Variants in SLC7A6 observed in about 807,000 individuals in gnomAD.
SLC7A6 encodes the protein solute carrier family 7 member 6.
Under a neutral mutation model 46.6 loss-of-function variants are expected in SLC7A6, and 29 were observed. The ratio of observed to expected loss-of-function variants is 0.62; its 90% CI spans 0.46 to 0.85. SLC7A6 has a LOEUF of 0.85. SLC7A6 is among the 40% of genes least tolerant of loss of function. The pLI is 0.00. For synonymous variants in SLC7A6, 276 were observed against 257.3 expected, an observed-to-expected ratio of 1.07 and a Z score of -0.70; for missense variants, 527 against 647.6, an observed-to-expected ratio of 0.81 and a Z score of 2.02.
At chr16:68,278,306 ATT>A (rs113430953) in intron 3 of SLC7A6, among the ~76,000 whole-genome samples, 8 of 133,570 alleles carry the variant, frequency 6.0e-5, no homozygotes, top group Admixed American at 2.3e-4. Context: ...CTGCTTTATA[ATT>A]TTTTTTTTTT....
chr16:68,277,485 G>A (rs1431484884), intron 3 of SLC7A6, among the ~76,000 whole-genome samples: 1 of 151,564 alleles, frequency 6.6e-6, no homozygotes, highest in Non-Finnish European at 1.5e-5. Context: ...CTAATTTTTT[G>A]TATTTTTAGT....
intron 7 of SLC7A6, chr16:68,292,550 T>C (rs1351675400): frequency 6.6e-6 from 1 of 152,178 alleles, no homozygotes; most frequent in African/African-American, 2.4e-5. Flanking sequence ...TTTTTAGAGA[T>C]TGGGGTCTCA....
chr16:68,265,324 C>T (rs2042510778), intron 1 of SLC7A6, among the ~76,000 whole-genome samples: 1 of 152,132 alleles, frequency 6.6e-6, no homozygotes, highest in Admixed American at 6.6e-5. Flanking sequence ...GTGAAACATT[C>T]TGAAAATTCT....
intron 3 of SLC7A6, among the ~76,000 whole-genome samples, chr16:68,277,316 T>TTTTTTTTA (rs1555530677): frequency 7.4e-6 from 1 of 135,886 alleles, no homozygotes; most frequent in African/African-American, 2.8e-5. Flanking sequence ...AGAAGAGTAC[T>TTTTTTTTA]TTTATTTATT....
intron 2 of SLC7A6, among the ~76,000 whole-genome samples, chr16:68,268,414 G>T (rs1356592512): frequency 6.6e-6 from 1 of 152,222 alleles, no homozygotes; most frequent in Admixed American, 6.5e-5. Flanking sequence ...GATTATTGTG[G>T]TGTGAGAGTA....
At chr16:68,286,662 G>A (rs1478949221) in intron 3 of SLC7A6, among the ~76,000 whole-genome samples, 1 of 152,204 alleles carries the variant, frequency 6.6e-6, no homozygotes, top group Non-Finnish European at 1.5e-5. Context: ...TTGTTTAGCA[G>A]GAGCAAAGTG....
At chr16:68,269,133 T>C (rs2042582984) in intron 2 of SLC7A6, among the ~76,000 whole-genome samples, 1 of 152,254 alleles carries the variant, frequency 6.6e-6, no homozygotes, top group South Asian at 2.1e-4. Context: ...TTCATCTCAC[T>C]GCTAAAGTTC....
Position 68,297,215 on chromosome 16 carries a change from T to C in SLC7A6, c.1454-19T>C. ...GCTAGATGTTTACTAAACCCTGTGC[T>C]TGCTCTATTTTCATTTAGCTGCTAT... is the stretch of plus-strand genomic sequence containing the variant. On this transcript the variant is annotated intron_variant, in intron 10 of 10. Transcript: ENST00000219343. 1.2e-6 allele frequency: 2 copies of C among 1,612,038 alleles called. No homozygotes were observed. Among genetic ancestry groups the C allele is most frequent in the Non-Finnish European group, 1.7e-6 (2 of 1,178,546 alleles).
intron 3 of SLC7A6, 46 bp downstream of exon 3, chr16:68,275,295 CTA>C (rs1289777036): frequency 6.4e-7 from 1 of 1,562,016 alleles, no homozygotes; most frequent in Admixed American, 1.7e-5. Context: ...GTGGGGGGTA[CTA>C]TAATAACGGT....
At position 68,287,718 on chromosome 16, in the gene SLC7A6, G is replaced by A. The variant is rs752765330; in HGVS notation, c.524-28G>A. Reference sequence around the variant, plus strand: ...GCCCCTGTGCCCTCAACTCAAGCCTGCCAGTGACTTTGTGGTTTTCCTCCT... The same window carrying A: ...GCCCCTGTGCCCTCAACTCAAGCCTACCAGTGACTTTGTGGTTTTCCTCCT... On this transcript the variant is annotated intron_variant, in intron 3 of 10. Transcript: ENST00000219343. The A allele has an allele frequency of 4.4e-6, 7 of 1,607,404 alleles. No individual in the cohort carries two copies. The South Asian group carries it at 5.5e-5, about 13-fold the overall frequency.
At position 68,301,704 on chromosome 16, in the gene SLC7A6, A is replaced by G. The variant is rs1357123776; in HGVS notation, c.*4376A>G. ...TTGTAAGAGTTGTAGTCATATTGTA[A>G]ATATTTTTGTACCTTTCTCCTTTTA... On this transcript the variant is annotated 3_prime_UTR_variant, in exon 11 of 11. Transcript: ENST00000219343. 4.8e-6 allele frequency: 1 copy of G among 210,454 alleles called. No individual in the cohort carries two copies. Among genetic ancestry groups the G allele is most frequent in the East Asian group, 1.1e-4 (1 of 9,030 alleles). 13.0% of individuals were successfully genotyped at this position (210,454 alleles called of 1,614,324 possible). A position where few individuals can be genotyped will look rare whatever the true frequency, so the allele number is the denominator to read the frequency against.
At chr16:68,287,327 C>G in intron 3 of SLC7A6, 1 of 1,289,408 alleles carries the variant, frequency 7.8e-7, no homozygotes, top group Non-Finnish European at 1.0e-6. Flanking sequence ...TCTTAGGTAA[C>G]CTGCCATCTG....
At chr16:68,266,122 T>G (rs1290210888) in intron 1 of SLC7A6, among the ~76,000 whole-genome samples, 1 of 151,968 alleles carries the variant, frequency 6.6e-6, no homozygotes, top group Non-Finnish European at 1.5e-5. Context: ...GAGCCAGGTG[T>G]GGTGGTGGGC....
In SLC7A6 at chr16:68,291,589, G is replaced by T; in HGVS notation, c.950G>T (p.Ser317Ile). The T allele has an allele frequency of 1.2e-6, 2 of 1,614,170 alleles. No homozygotes were observed. Among genetic ancestry groups the T allele is most frequent in the Non-Finnish European group, 1.7e-6 (2 of 1,180,026 alleles). ...TFADQTFGMF[S>I]WTIPIAVALS... ...GCTGACCAGACGTTTGGCATGTTCAGCTGGACCATCCCCATTGCTGTTGCC... is the reference window on the plus strand; with the variant it reads ...GCTGACCAGACGTTTGGCATGTTCATCTGGACCATCCCCATTGCTGTTGCC... Residue 317 changes from serine to isoleucine, a missense_variant, in exon 7 of 11, where the codon AGC becomes ATC. By Grantham distance (142) the Ser-to-Ile change is moderately radical (BLOSUM62 -2). Coordinates refer to ENST00000219343, the MANE Select transcript of SLC7A6 (RefSeq NM_003983.6).
At chr16:68,267,148 T>G (rs897627782) in intron 2 of SLC7A6, among the ~76,000 whole-genome samples, 1 of 151,068 alleles carries the variant, frequency 6.6e-6, no homozygotes, top group African/African-American at 2.4e-5. Context: ...TTGGCCAGGC[T>G]GGTCACGAAC....
At chr16:68,276,282 A>C (rs575065188) in intron 3 of SLC7A6, among the ~76,000 whole-genome samples, 1 of 152,344 alleles carries the variant, frequency 6.6e-6, no homozygotes, top group African/African-American at 2.4e-5. Flanking sequence ...AGTAAGGAGA[A>C]AAGATTGCTG....
chr16:68,269,859 C>T (rs1188945380), intron 2 of SLC7A6, among the ~76,000 whole-genome samples: 1 of 152,162 alleles, frequency 6.6e-6, no homozygotes, highest in African/African-American at 2.4e-5. Context: ...CCTCCCAACT[C>T]CTGAACTCAA....
intron 7 of SLC7A6, chr16:68,292,577 G>T (rs1429355089): frequency 6.6e-6 from 1 of 152,086 alleles, no homozygotes; most frequent in Non-Finnish European, 1.5e-5. Flanking sequence ...TGCCCAGGCT[G>T]GTCTCAAACT....
rs867285026 is a variant in SLC7A6 at position 68,294,952 on chromosome 16, T to C, written c.1119+151T>C. The C allele has an allele frequency of 4.8e-5, 28 of 585,778 alleles. No individual in the cohort carries two copies. In the Middle Eastern group the frequency reaches 1.1e-3, roughly 22 times the overall value. The allele number at this position is 585,778 out of a possible 1,614,324, so 36.3% of individuals were successfully genotyped here. ...TTTTTGTTGTCATTTAATTCTTTTATGGTTTTATTACGTTTAATTTTGGAT... is the reference window on the plus strand; with the variant it reads ...TTTTTGTTGTCATTTAATTCTTTTACGGTTTTATTACGTTTAATTTTGGAT... On this transcript the variant is annotated intron_variant, in intron 8 of 10. Transcript: ENST00000219343.
Sources: gnomAD v4.1 joint callset for allele counts (sites outside exome capture counted in the v4.1 genomes callset) on GRCh38, gnomAD v4.1.1 for gene constraint, MANE v1.5 for transcripts, NCBI Gene and HGNC (gene_info 2026-07-23, HGNC 2026-07-21) for gene names.